The following RARB variants were observed in gnomAD, a reference collection of about 807,000 sequenced individuals.
The protein encoded by RARB is retinoic acid receptor beta.
In RARB, 17 loss-of-function variants were observed where a neutral mutation model predicts 51.9. The ratio of observed to expected loss-of-function variants is 0.33; its 90% CI spans 0.22 to 0.49. The LOEUF (loss-of-function observed/expected upper bound fraction) is 0.49, where lower values mean the gene tolerates loss of function less well. RARB is among the 20% of genes least tolerant of loss of function. The pLI is 0.99. For missense variants in RARB, 369 were observed against 550.8 expected (o/e 0.67, Z 3.30); for synonymous variants, 215 against 195.4 (o/e 1.10, Z -0.84).
At chr3:24,994,646 T>C (rs1188169690) in intron 2 of RARB, among the ~76,000 whole-genome samples, 1 of 152,082 alleles carries the variant, frequency 6.6e-6, no homozygotes, top group African/African-American at 2.4e-5. Flanking sequence ...ATGTAGGTAT[T>C]TGGTCTATTG....
intron 5 of RARB, among the ~76,000 whole-genome samples, chr3:25,253,044 A>G (rs1209100037): frequency 6.6e-6 from 1 of 152,194 alleles, no homozygotes; most frequent in Non-Finnish European, 1.5e-5. Context: ...CTGTCTTCAT[A>G]GGCACTAGGA....
chr3:25,580,532 T>G lies in RARB; in HGVS notation c.610-14T>G. The G allele has an allele frequency of 1.3e-6, 2 of 1,558,842 alleles. No homozygotes were observed. The highest frequency in any genetic ancestry group is 8.8e-7 in the Non-Finnish European group (1 of 1,139,324). ...CCGGAAACTGTATCTGATGACATTT[T>G]CTCTCTCTCCTAGAATTCCAGTGCT... On this transcript the variant is annotated splice_polypyrimidine_tract_variant and intron_variant, in intron 4 of 7. Coordinates refer to ENST00000330688, the MANE Select transcript of RARB (RefSeq NM_000965.5).
intron 2 of RARB, among the ~76,000 whole-genome samples, chr3:24,914,537 C>A (rs1401383800): frequency 1.3e-5 from 2 of 152,126 alleles, no homozygotes; most frequent in East Asian, 3.9e-4. Context: ...GTTCTGGTTC[C>A]CCTCTCAGGT....
At chr3:25,505,418 A>G (rs1232961406) in intron 3 of RARB, among the ~76,000 whole-genome samples, 2 of 152,226 alleles carry the variant, frequency 1.3e-5, no homozygotes. Context: ...TTAGAGATGT[A>G]TCCCCTAGAA....
At chr3:25,029,012 A>G (rs1458966172) in intron 2 of RARB, among the ~76,000 whole-genome samples, 1 of 152,106 alleles carries the variant, frequency 6.6e-6, no homozygotes, top group East Asian at 1.9e-4. Flanking sequence ...TGTGCTAGGG[A>G]TGGGAGTATT....
At chr3:25,265,743 G>T (rs1171010648) in intron 5 of RARB, among the ~76,000 whole-genome samples, 3 of 152,106 alleles carry the variant, frequency 2.0e-5, no homozygotes, top group Non-Finnish European at 4.4e-5. Context: ...AAGTGCTAGG[G>T]TTACAGCCGT....
chr3:25,202,608 G>C (rs1309075776), intron 5 of RARB, among the ~76,000 whole-genome samples: 2 of 152,158 alleles, frequency 1.3e-5, no homozygotes, highest in East Asian at 3.8e-4. Flanking sequence ...GGCTTTAAAT[G>C]TGTCCCAGAG....
chr3:25,261,936 TTC>T (rs1449835158), intron 5 of RARB, among the ~76,000 whole-genome samples: 1 of 152,110 alleles, frequency 6.6e-6, no homozygotes, highest in Non-Finnish European at 1.5e-5. Flanking sequence ...ATGGACTTCT[TTC>T]TCTCATTCTG....
intron 2 of RARB, among the ~76,000 whole-genome samples, chr3:24,929,518 T>C (rs1695397097): frequency 6.6e-6 from 1 of 152,090 alleles, no homozygotes; most frequent in Non-Finnish European, 1.5e-5. Context: ...CCTAAAAATG[T>C]TTTTAAGCAA....
At chr3:25,482,053 C>T (rs1696249830) in intron 2 of RARB, among the ~76,000 whole-genome samples, 1 of 152,184 alleles carries the variant, frequency 6.6e-6, no homozygotes, top group Non-Finnish European at 1.5e-5. Flanking sequence ...GCAGCAGGAC[C>T]CAAGCCCCCA....
chr3:25,368,689 C>G (rs1246380625), intron 5 of RARB, among the ~76,000 whole-genome samples: 1 of 152,152 alleles, frequency 6.6e-6, no homozygotes, highest in Non-Finnish European at 1.5e-5. Context: ...GTTCATTATT[C>G]CTTTCTAAAA....
At chr3:25,483,478 C>A (rs1350800388) in intron 2 of RARB, among the ~76,000 whole-genome samples, 1 of 151,476 alleles carries the variant, frequency 6.6e-6, no homozygotes, top group Non-Finnish European at 1.5e-5. Context: ...GACCTCTAGA[C>A]CCTGGTTTTC....
At chr3:25,505,682 C>T (rs946138472) in intron 3 of RARB, among the ~76,000 whole-genome samples, 1 of 151,538 alleles carries the variant, frequency 6.6e-6, no homozygotes. Flanking sequence ...AAAAAAAACT[C>T]GATTTTTAGC....
intron 5 of RARB, among the ~76,000 whole-genome samples, chr3:25,347,647 C>T (rs1354081575): frequency 2.6e-5 from 4 of 152,304 alleles, no homozygotes; most frequent in Middle Eastern, 3.4e-3. Context: ...CCAGAAACTT[C>T]AGGTTTAGAC....
intron 2 of RARB, among the ~76,000 whole-genome samples, chr3:25,469,059 C>G (rs925833660): frequency 6.6e-6 from 1 of 152,212 alleles, no homozygotes; most frequent in Non-Finnish European, 1.5e-5. Flanking sequence ...ACTCCACTAG[C>G]CCCCTCAGTC....
At chr3:25,571,714 G>T (rs149296710) in intron 4 of RARB, among the ~76,000 whole-genome samples, 1 of 152,320 alleles carries the variant, frequency 6.6e-6, no homozygotes, top group East Asian at 1.9e-4. Flanking sequence ...GCCCCATGAC[G>T]GTGAACAAAT....
intron 1 of RARB, among the ~76,000 whole-genome samples, chr3:25,453,906 A>G (rs1445197333): frequency 6.6e-6 from 1 of 152,208 alleles, no homozygotes. Context: ...GCTGCTTAAT[A>G]ATAACAAAGC....
In RARB at chr3:25,473,203, A is replaced by G. The variant is rs181364714; in HGVS notation, c.306+11862A>G. On this transcript the variant is annotated intron_variant, in intron 2 of 7. Coordinates refer to ENST00000330688, the MANE Select transcript of RARB (RefSeq NM_000965.5). ...ATGTCTTTTTGTTGTTGTTGTTGTT[A>G]TTGAGTATTTTTCCACTTCAGAAAG... is the stretch of plus-strand genomic sequence containing the variant. 4.0e-5 allele frequency among the ~76,000 whole-genome samples: 6 copies of G among 151,798 alleles called. No homozygotes were observed. The South Asian group carries it at 8.3e-4, about 21-fold the overall frequency.
intron 3 of RARB, among the ~76,000 whole-genome samples, chr3:25,530,063 T>A (rs2125642364): frequency 1.3e-5 from 2 of 152,280 alleles, no homozygotes; most frequent in South Asian, 4.1e-4. Context: ...GATTACTGTC[T>A]CAGCGCTGAC....
Sources: allele counts gnomAD v4.1 joint callset (sites outside exome capture counted in the v4.1 genomes callset), GRCh38; gene constraint gnomAD v4.1.1; transcripts MANE v1.5; gene names NCBI Gene and HGNC (gene_info 2026-07-23, HGNC 2026-07-21).